ST7L: variants seen among roughly 807,000 people sequenced by gnomAD.
ST7L encodes the protein suppression of tumorigenicity 7 like, also known as suppressor of tumorigenicity 7 protein-like.
Under a neutral mutation model 72.5 loss-of-function variants are expected in ST7L, and 57 were observed. The ratio of observed to expected loss-of-function variants is 0.79; its 90% CI spans 0.64 to 0.98. The LOEUF (loss-of-function observed/expected upper bound fraction) is 0.98, where lower values mean the gene tolerates loss of function less well. ST7L is among the 50% of genes least tolerant of loss of function. The pLI is 0.00. For missense variants in ST7L, 576 were observed against 672.2 expected (o/e 0.86, Z 1.58); for synonymous variants, 221 against 240.9 (o/e 0.92, Z 0.77).
intron 11 of ST7L, among the ~76,000 whole-genome samples, chr1:112,574,623 C>A (rs568647554): frequency 6.7e-6 from 1 of 150,220 alleles, no homozygotes; most frequent in East Asian, 2.0e-4. Context: ...CACGCCACTG[C>A]ACTCCAGCCT....
At chr1:112,520,325 G>C, downstream of ST7L, 1 of 1,614,148 alleles carries the variant, frequency 6.2e-7, no homozygotes, top group Non-Finnish European at 8.5e-7. Context: ...ACATCAAAAG[G>C]AACAGACGGT....
intron 11 of ST7L, among the ~76,000 whole-genome samples, chr1:112,569,488 T>C (rs1227798504): frequency 6.6e-6 from 1 of 152,186 alleles, no homozygotes; most frequent in Non-Finnish European, 1.5e-5. Flanking sequence ...AATAGGCAAA[T>C]GCATAAAGAC....
intron 2 of ST7L, among the ~76,000 whole-genome samples, chr1:112,613,027 G>A (rs918291761): frequency 6.6e-6 from 1 of 152,056 alleles, no homozygotes; most frequent in African/African-American, 2.4e-5. Context: ...GCTGAGGTGG[G>A]AGGATTGCTT....
intron 6 of ST7L, among the ~76,000 whole-genome samples, chr1:112,588,299 T>C (rs1665163476): frequency 6.6e-6 from 1 of 152,230 alleles, no homozygotes; most frequent in African/African-American, 2.4e-5. Context: ...TTGACTAAAC[T>C]GCACTGACTA....
chr1:112,555,077 A>T (rs547556414), intron 12 of ST7L, among the ~76,000 whole-genome samples: 143 of 152,364 alleles, frequency 9.4e-4, no homozygotes, highest in African/African-American at 3.2e-3. Flanking sequence ...GTACAACACT[A>T]TGAATGTACA....
chr1:112,612,162 T>A (rs903801771), intron 2 of ST7L, among the ~76,000 whole-genome samples: 1 of 152,070 alleles, frequency 6.6e-6, no homozygotes, highest in Non-Finnish European at 1.5e-5. Flanking sequence ...AGTGGCATGA[T>A]CACAGCTCAC....
intron 7 of ST7L, among the ~76,000 whole-genome samples, chr1:112,583,392 A>G (rs1214505587): frequency 6.6e-6 from 1 of 152,218 alleles, no homozygotes; most frequent in African/African-American, 2.4e-5. Flanking sequence ...CTGGTAGAGC[A>G]TATCTAAGAA....
intron 5 of ST7L, among the ~76,000 whole-genome samples, chr1:112,596,659 A>C (rs1666524476): frequency 1.3e-5 from 2 of 150,520 alleles, no homozygotes; most frequent in South Asian, 4.2e-4. Flanking sequence ...TTTTTTTGAG[A>C]TGCAGTCTCA....
upstream of ST7L, chr1:112,619,166 G>C (rs1308750147): frequency 3.9e-6 from 6 of 1,557,944 alleles, no homozygotes; most frequent in Admixed American, 1.8e-5. Context: ...ACAGGAAACC[G>C]GGAGTCGGGA....
chr1:112,596,810 A>G (rs774048048), intron 5 of ST7L, among the ~76,000 whole-genome samples: 38 of 151,980 alleles, frequency 2.5e-4, no homozygotes, highest in Non-Finnish European at 5.1e-4. Flanking sequence ...GCTAATTTTT[A>G]TATTTTTGTA....
upstream of ST7L, chr1:112,619,417 C>A: frequency 1.9e-6 from 1 of 540,352 alleles, no homozygotes; most frequent in Non-Finnish European, 3.3e-6. Context: ...GCCCCCCCCC[C>A]GGGGTTGGAA....
intron 14 of ST7L, among the ~76,000 whole-genome samples, chr1:112,534,638 A>T (rs971996934): frequency 8.5e-5 from 13 of 152,128 alleles, no homozygotes; most frequent in Admixed American, 2.6e-4. Context: ...CAATATTATA[A>T]TTTTCTTCTG....
At position 112,553,249 on chromosome 1, in the gene ST7L, C is replaced by CACAT. The variant is rs562951074; in HGVS notation, c.1397-2557_1397-2556insATGT. 1.7e-4 allele frequency among the ~76,000 whole-genome samples: 26 copies of CACAT among 152,086 alleles called. No homozygotes were observed. In the East Asian group the frequency reaches 3.3e-3, roughly 19 times the overall value. ...TTTTCTTTAAACACACACACACACA[C>CACAT]ACACACACACATATTAGAGAGAATC... On this transcript the variant is annotated intron_variant, in intron 12 of 14. Coordinates refer to ENST00000358039, the MANE Select transcript of ST7L (RefSeq NM_017744.5).
intron 11 of ST7L, among the ~76,000 whole-genome samples, chr1:112,574,614 A>C (rs748709551): frequency 1.5e-4 from 23 of 151,176 alleles, no homozygotes; most frequent in Non-Finnish European, 2.4e-4. Context: ...AGCCTAGATC[A>C]CGCCACTGCA....
At chr1:112,536,332 T>C (rs772128295) in intron 14 of ST7L, among the ~76,000 whole-genome samples, 14 of 152,134 alleles carry the variant, frequency 9.2e-5, no homozygotes, top group Non-Finnish European at 1.8e-4. Flanking sequence ...GTTATAATAA[T>C]GGAAAACTCA....
chr1:112,555,665 AT>A (rs1205415173), intron 12 of ST7L, among the ~76,000 whole-genome samples: 1 of 152,216 alleles, frequency 6.6e-6, no homozygotes, highest in Non-Finnish European at 1.5e-5. Flanking sequence ...TACCATAACA[AT>A]TTCTCATTCT....
In ST7L at chr1:112,587,004, A is replaced by G. The variant is rs530319700; in HGVS notation, c.702-2878T>C. ...TTGACAATGTCCTCTGATGCATAAAATATTTTAACTTTGATAAAGTCCATT... is the reference window on the plus strand; with the variant it reads ...TTGACAATGTCCTCTGATGCATAAAGTATTTTAACTTTGATAAAGTCCATT... On this transcript the variant is annotated intron_variant, in intron 6 of 14. Transcript: ENST00000358039. Among the ~76,000 whole-genome samples the G allele has an allele frequency of 3.9e-5, 6 of 152,288 alleles. No homozygotes were observed. The South Asian group carries it at 8.3e-4, about 21-fold the overall frequency.
intron 13 of ST7L, among the ~76,000 whole-genome samples, chr1:112,549,988 T>A (rs979948019): frequency 3.3e-5 from 5 of 152,164 alleles, no homozygotes; most frequent in Non-Finnish European, 7.4e-5. Context: ...TTACTGAGAT[T>A]TTTTCTTTTT....
chr1:112,549,438 T>C (rs1389945371), intron 13 of ST7L, among the ~76,000 whole-genome samples: 2 of 152,116 alleles, frequency 1.3e-5, no homozygotes, highest in Non-Finnish European at 2.9e-5. Context: ...TCCATCAACA[T>C]GGAATGTCTC....
Sources: allele counts gnomAD v4.1 joint callset (sites outside exome capture counted in the v4.1 genomes callset), GRCh38; gene constraint gnomAD v4.1.1; transcripts MANE v1.5; gene names NCBI Gene and HGNC (gene_info 2026-07-23, HGNC 2026-07-21).